Variants in ST6GALNAC1 observed in about 807,000 individuals in gnomAD.
The protein encoded by ST6GALNAC1 is alpha-N-acetylgalactosaminide alpha-2,6-sialyltransferase 1.
A neutral mutation model predicts 56.8 loss-of-function variants in ST6GALNAC1; 45 were observed. That is an observed-to-expected ratio of 0.79 (90% CI 0.62 to 1.02). The LOEUF (loss-of-function observed/expected upper bound fraction) is 1.02. ST6GALNAC1 is among the 50% of genes least tolerant of loss of function. The pLI is 0.00. For missense variants in ST6GALNAC1, 743 were observed against 754.8 expected (o/e 0.98, Z 0.18); for synonymous variants, 295 against 297.8 (o/e 0.99, Z 0.10).
downstream of ST6GALNAC1, among the ~76,000 whole-genome samples, chr17:76,620,040 G>C (rs144285907): frequency 4.9e-3 from 697 of 141,626 alleles, 9 homozygotes; most frequent in African/African-American, 0.018. Context: ...CACTGTGCCC[G>C]GCCTTTTTAA....
chr17:76,630,136 G>A (rs1210653025), intron 1 of ST6GALNAC1, among the ~76,000 whole-genome samples: 1 of 152,140 alleles, frequency 6.6e-6, no homozygotes, highest in Non-Finnish European at 1.5e-5. Context: ...ATGTACATAG[G>A]ACATACAGGA....
chr17:76,621,476 C>T (rs776649787), downstream of ST6GALNAC1, among the ~76,000 whole-genome samples: 4 of 150,022 alleles, frequency 2.7e-5, no homozygotes, highest in Non-Finnish European at 4.4e-5. Flanking sequence ...CCACCGCACC[C>T]GGGCTTCTTT....
downstream of ST6GALNAC1, among the ~76,000 whole-genome samples, chr17:76,623,026 C>A (rs570586122): frequency 2.0e-4 from 30 of 152,338 alleles, no homozygotes; most frequent in South Asian, 6.0e-3. Flanking sequence ...AACTCCCGAC[C>A]TTGTGATCCG....
chr17:76,627,031 G>A lies in ST6GALNAC1; in HGVS notation c.1172+36C>T, dbSNP rs766567812. On this transcript the variant is annotated intron_variant, in intron 4 of 8. Transcript: ENST00000156626. This position sits in a 1 kb window ranked among gnomAD's most constrained non-coding sequence, Gnocchi z 4.4. ...GAGGGGGGCTGGAGGGGGCAGGAGA[G>A]GGGCTGGAGAGGGAGCTTGGGTGGG... is the stretch of plus-strand genomic sequence containing the variant. 3 of 1,529,664 alleles carry A rather than the reference G, an allele frequency of 2.0e-6. No homozygotes were observed. Among genetic ancestry groups the A allele is most frequent in the South Asian group, 1.3e-5 (1 of 77,224 alleles). The allele number at this position is 1,529,664 out of a possible 1,614,324, so 94.8% of individuals were successfully genotyped here.
At chr17:76,624,666 G>A (rs890049878), downstream of ST6GALNAC1, 8 of 152,486 alleles carry the variant, frequency 5.2e-5, no homozygotes, top group African/African-American at 1.7e-4. Flanking sequence ...CGTCATGGGG[G>A]TTTGAAAAAG....
At chr17:76,617,466 C>T in the ST6GALNAC1 span, among the ~76,000 whole-genome samples, 1 of 152,120 alleles carries the variant, frequency 6.6e-6, no homozygotes, top group Non-Finnish European at 1.5e-5. Flanking sequence ...GGCTCCCATT[C>T]AAGGCACTGT....
rs945985522 is a variant in ST6GALNAC1, at chr17:76,638,071, T to A, written c.131+5437A>T. Among the ~76,000 whole-genome samples, 103 of 150,450 alleles carry A rather than the reference T, an allele frequency of 6.8e-4. 1 individual carries two copies. The highest frequency in any genetic ancestry group is 2.5e-3 in the African/African-American group (101 of 40,922). On this transcript the variant is annotated intron_variant, in intron 1 of 8. Coordinates refer to ENST00000156626, the MANE Select transcript of ST6GALNAC1 (RefSeq NM_018414.5). ...AGAACATAAAGTGACAACAAGAAAA[T>A]GACAAACAGAACCCATAGGTCTGTT...
chr17:76,617,878 T>G, the ST6GALNAC1 span, among the ~76,000 whole-genome samples: 1 of 152,174 alleles, frequency 6.6e-6, no homozygotes, highest in Non-Finnish European at 1.5e-5. Context: ...TTTGACATAG[T>G]TAAGAAAAAT....
downstream of ST6GALNAC1, among the ~76,000 whole-genome samples, chr17:76,623,156 T>G (rs565158867): frequency 6.6e-6 from 1 of 152,346 alleles, no homozygotes; most frequent in Admixed American, 6.5e-5. Context: ...CACCTGGCTG[T>G]CTGAGCACCA....
downstream of ST6GALNAC1, among the ~76,000 whole-genome samples, chr17:76,622,268 T>TA (rs2075749604): frequency 2.4e-5 from 3 of 125,718 alleles, no homozygotes; most frequent in Non-Finnish European, 3.6e-5. Context: ...ATATATATAT[T>TA]AACCATTTAT....
chr17:76,642,434 G>A (rs1215724231), intron 1 of ST6GALNAC1, among the ~76,000 whole-genome samples: 1 of 152,046 alleles, frequency 6.6e-6, no homozygotes, highest in Non-Finnish European at 1.5e-5. Context: ...CTTAGAATAG[G>A]GGCTAGCTCA....
At chr17:76,618,901 G>A in the ST6GALNAC1 span, among the ~76,000 whole-genome samples, 723 of 152,244 alleles carry the variant, frequency 4.7e-3, 7 homozygotes, top group African/African-American at 0.017. Context: ...CTGAGATCAC[G>A]CCACTGCACT....
Position 76,629,147 on chromosome 17 carries a change from C to T in ST6GALNAC1, c.696G>A (p.Gln232=). The change falls in exon 2 of 9, where the codon CAG becomes CAA. Residue 232 remains glutamine, a synonymous_variant. Transcript: ENST00000156626. ...GGAAAGGGGCAGGGGGTGGGGTGGCCTGAGGTTTCTTCTCCTTAGGTGGGA... is the reference window on the plus strand; with the variant it reads ...GGAAAGGGGCAGGGGGTGGGGTGGCTTGAGGTTTCTTCTCCTTAGGTGGGA... The part of the protein sequence containing the change: ...AVIPPKEKKP[Q]ATPPPAPFQS... 6.2e-7 allele frequency: 1 copy of T among 1,614,040 alleles called. No homozygotes were observed. The highest frequency in any genetic ancestry group is 1.3e-5 in the African/African-American group (1 of 75,034).
At chr17:76,640,052 G>T (rs1176793477) in intron 1 of ST6GALNAC1, among the ~76,000 whole-genome samples, 2 of 152,016 alleles carry the variant, frequency 1.3e-5, no homozygotes, top group Non-Finnish European at 2.9e-5. Context: ...TCTGGGGAAG[G>T]GTTCTCCTTT....
downstream of ST6GALNAC1, among the ~76,000 whole-genome samples, chr17:76,619,959 G>T (rs2075724496): frequency 6.6e-6 from 1 of 152,002 alleles, no homozygotes; most frequent in Non-Finnish European, 1.5e-5. Flanking sequence ...GGCCAGGCTG[G>T]TCTCGAACTC....
chr17:76,626,943 G>A, intron 4 of ST6GALNAC1, 124 bp downstream of exon 4: 2 of 1,464,832 alleles, frequency 1.4e-6, no homozygotes, highest in Non-Finnish European at 1.9e-6. Context: ...ATGCAGGCGT[G>A]GAACATCCTA....
At position 76,625,508 on chromosome 17, in the gene ST6GALNAC1, A is replaced by T. The variant is rs1393971519; in HGVS notation, c.1625T>A (p.Ile542Asn). 8 of 1,613,996 alleles carry T rather than the reference A, an allele frequency of 5.0e-6. No homozygotes were observed. Among genetic ancestry groups the T allele is most frequent in the Middle Eastern group, 3.3e-4 (2 of 5,978 alleles). ...AGAAAAGCGCTCATGGCCCTCAGTG[A>T]TGAAGCCATAAGCACTCACCTACAT... ...LCDQVSAYGF[I>N]TEGHERFSDH... The change falls in exon 9 of 9, where the codon ATC (isoleucine) becomes AAC (asparagine). Residue 542 changes from isoleucine (I) to asparagine (N), a missense_variant. Physicochemically the swap from Ile to Asn is moderately radical, Grantham distance 149. Transcript: ENST00000156626.
rs2075853137 is a variant in ST6GALNAC1 at position 76,629,079 on chromosome 17, T to C, written c.764A>G (p.Asn255Ser). 6.3e-7 allele frequency: 1 copy of C among 1,578,034 alleles called. No individual in the cohort carries two copies. The highest frequency in any genetic ancestry group is 1.4e-5 in the African/African-American group (1 of 73,006). The change falls in exon 2 of 9, where the codon AAC becomes AGC. Residue 255 changes from asparagine (N) to serine (S), a missense_variant. Asn to Ser is a conservative substitution (Grantham distance 46, BLOSUM62 1). Coordinates refer to ENST00000156626, the MANE Select transcript of ST6GALNAC1 (RefSeq NM_018414.5). ...ATCCCACCGAGGCTCAGATTTGAAG[T>C]TGGCGGCCTTCAGTCTTTGGTTTCT... ...TQRNQRLKAA[N>S]FKSEPRWDFE...
chr17:76,636,849 G>C (rs1334451975), intron 1 of ST6GALNAC1, among the ~76,000 whole-genome samples: 1 of 152,198 alleles, frequency 6.6e-6, no homozygotes, highest in Non-Finnish European at 1.5e-5. Flanking sequence ...GTGGGGAAAA[G>C]AAAGAGAGAT....
Sources: allele counts gnomAD v4.1 joint callset (sites outside exome capture counted in the v4.1 genomes callset), GRCh38; gene constraint gnomAD v4.1.1; non-coding constraint Gnocchi (gnomAD v3.1); transcripts MANE v1.5; gene names NCBI Gene and HGNC (gene_info 2026-07-23, HGNC 2026-07-21).